UMODL1: variants seen among roughly 807,000 people sequenced by gnomAD.
The protein encoded by UMODL1 is uromodulin like 1, also known as uromodulin-like 1.
A neutral mutation model predicts 136.3 loss-of-function variants in UMODL1; 128 were observed. The observed-to-expected ratio is 0.94, with a 90% CI of 0.81 to 1.09. The LOEUF (loss-of-function observed/expected upper bound fraction) is 1.09. Ranked by LOEUF, UMODL1 falls within the 50% of genes least tolerant of loss-of-function variation. The pLI, the probability that UMODL1 is intolerant of heterozygous loss-of-function variation, is 0.00. For missense variants in UMODL1, 1,766 were observed against 1,725.6 expected (o/e 1.02, Z -0.41); for synonymous variants, 721 against 720.0 (o/e 1.00, Z -0.02).
chr21:42,113,846 T>C lies in UMODL1; in HGVS notation c.2362+16T>C, dbSNP rs779278902. 6 of 1,602,888 alleles carry C rather than the reference T, an allele frequency of 3.7e-6. No homozygotes were observed. Among genetic ancestry groups the C allele is most frequent in the Non-Finnish European group, 5.1e-6 (6 of 1,173,674 alleles). On this transcript the variant is annotated intron_variant, in intron 13 of 22. Transcript: ENST00000408910. ...GTGAGGACAGGTAATGGGCTTCCAT[T>C]TGTTTTTAAAGAGAGGAACAAAAAG...
At chr21:42,087,782 C>T (rs2066442510) in intron 4 of UMODL1, among the ~76,000 whole-genome samples, 1 of 152,178 alleles carries the variant, frequency 6.6e-6, no homozygotes, top group Non-Finnish European at 1.5e-5. Context: ...TGTCACAGTT[C>T]TGGGGGCTGA....
chr21:42,102,472 T>C (rs2066648926), intron 8 of UMODL1, 194 bp downstream of exon 8: 9 of 478,520 alleles, frequency 1.9e-5, no homozygotes, highest in Non-Finnish European at 3.4e-5. Flanking sequence ...TATGGGGTAC[T>C]TAATCCAGAT....
upstream of UMODL1, among the ~76,000 whole-genome samples, chr21:42,067,641 C>G (rs1231483960): frequency 6.6e-6 from 1 of 152,202 alleles, no homozygotes; most frequent in African/African-American, 2.4e-5. Context: ...GTGTCCACTG[C>G]CCCCCTGGCC....
chr21:42,105,253 G>A (rs1035380209), intron 9 of UMODL1, among the ~76,000 whole-genome samples: 1 of 152,200 alleles, frequency 6.6e-6, no homozygotes, highest in Non-Finnish European at 1.5e-5. Context: ...TGAGGTTGGG[G>A]TCCACAGGGT....
At chr21:42,112,277 C>A (rs1345754803) in intron 12 of UMODL1, among the ~76,000 whole-genome samples, 2 of 151,238 alleles carry the variant, frequency 1.3e-5, no homozygotes, top group Non-Finnish European at 2.9e-5. Context: ...GTACTCCCAG[C>A]TGTTCTGCAC....
intron 13 of UMODL1, among the ~76,000 whole-genome samples, chr21:42,114,545 A>T (rs1202539263): frequency 2.0e-5 from 3 of 151,274 alleles, no homozygotes; most frequent in Admixed American, 2.0e-4. Context: ...GAGGTGTAGG[A>T]TGGTTTCACA....
At chr21:42,140,972 T>C (rs2123415611) in intron 22 of UMODL1, among the ~76,000 whole-genome samples, 1 of 151,720 alleles carries the variant, frequency 6.6e-6, no homozygotes, top group African/African-American at 2.4e-5. Context: ...CCTCCCATCC[T>C]GGGCAGGAGA....
At position 42,134,793 on chromosome 21, in the gene UMODL1, T is replaced by A. The variant is rs188008770; in HGVS notation, c.3776-2646T>A. ...CCAAGTCTGGCTATTTTTTTTTTTTTTATATTTTTTTAGTAGAGACGGGGG... is the reference window on the plus strand; with the variant it reads ...CCAAGTCTGGCTATTTTTTTTTTTTATATATTTTTTTAGTAGAGACGGGGG... On this transcript the variant is annotated intron_variant, in intron 21 of 22. Transcript: ENST00000408910. Among the ~76,000 whole-genome samples the A allele has an allele frequency of 5.2e-3, 791 of 151,374 alleles. 13 individuals carry two copies. Among genetic ancestry groups the A allele is most frequent in the African/African-American group, 0.017 (715 of 41,258 alleles).
chr21:42,113,999 A>G (rs1319544404), intron 13 of UMODL1, among the ~76,000 whole-genome samples, 169 bp downstream of exon 13: 1 of 152,252 alleles, frequency 6.6e-6, no homozygotes, highest in Non-Finnish European at 1.5e-5. Context: ...TGACGGCCAG[A>G]CAGGAGGTGG....
rs764359400 is a variant in UMODL1, at chr21:42,099,040, G to T, written c.1046G>T (p.Gly349Val). Reference sequence around the variant, plus strand: ...ACTTTCCATGTCCGGGTTTACCGGGGTATGGAGTTGCTCAGGAGCGCCAGG... The same window carrying T: ...ACTTTCCATGTCCGGGTTTACCGGGTTATGGAGTTGCTCAGGAGCGCCAGG... Reference protein sequence around the residue: ...NHTFHVRVYRGMELLRSARTQ... With the variant: ...NHTFHVRVYRVMELLRSARTQ... The change falls in exon 7 of 23, where the codon GGT becomes GTT. Residue 349 changes from glycine to valine, a missense_variant. Physicochemically the swap from Gly to Val is moderately radical, Grantham distance 109. Coordinates refer to ENST00000408910, the MANE Select transcript of UMODL1 (RefSeq NM_001004416.3). This position sits in a 1 kb window ranked among gnomAD's most constrained non-coding sequence, Gnocchi z 4.1. The T allele has an allele frequency of 2.5e-6, 4 of 1,614,226 alleles. No homozygotes were observed. Among genetic ancestry groups the T allele is most frequent in the Non-Finnish European group, 3.4e-6 (4 of 1,180,052 alleles).
chr21:42,130,832 C>T (rs564727077), intron 21 of UMODL1, among the ~76,000 whole-genome samples: 14 of 144,076 alleles, frequency 9.7e-5, no homozygotes, highest in Non-Finnish European at 3.0e-5. Flanking sequence ...TTTTTTGAGA[C>T]GGAGTTTTTC....
At chr21:42,131,305 T>C (rs866087783) in intron 21 of UMODL1, among the ~76,000 whole-genome samples, 1 of 152,326 alleles carries the variant, frequency 6.6e-6, no homozygotes, top group South Asian at 2.1e-4. Flanking sequence ...GGGGTTTGGA[T>C]GCAGGGTGTG....
intron 2 of UMODL1, 133 bp downstream of exon 2, chr21:42,076,380 G>C: frequency 7.1e-7 from 1 of 1,418,064 alleles, no homozygotes; most frequent in Non-Finnish European, 9.6e-7. Flanking sequence ...GCCTTGACCA[G>C]GCAGCAGGTC....
At chr21:42,121,717 G>A (rs1316405261) in intron 16 of UMODL1, among the ~76,000 whole-genome samples, 3 of 152,200 alleles carry the variant, frequency 2.0e-5, no homozygotes, top group Non-Finnish European at 4.4e-5. Flanking sequence ...AAGGGAGGTG[G>A]GCATTTATAC....
At position 42,113,767 on chromosome 21, in the gene UMODL1, G is replaced by T. The variant is rs1199285747; in HGVS notation, c.2299G>T (p.Val767Phe). 2 of 1,613,998 alleles carry T rather than the reference G, an allele frequency of 1.2e-6. No individual in the cohort carries two copies. The highest frequency in any genetic ancestry group is 4.5e-5 in the East Asian group (2 of 44,894). The stretch of plus-strand genomic sequence containing the variant: ...GCTGGAGCCTGGGGTCTTGCACCTG[G>T]TTGAGATCATGGCCAAAGCATGTGG... ...SGLEPGVLHL[V>F]EIMAKACGKE... is the part of the protein sequence containing the mutation. Residue 767 changes from valine (V) to phenylalanine (F), a missense_variant, in exon 13 of 23, where the codon GTT (valine) becomes TTT (phenylalanine). Coordinates refer to ENST00000408910, the MANE Select transcript of UMODL1 (RefSeq NM_001004416.3).
rs1160876914 is a variant in UMODL1 at position 42,098,480 on chromosome 21, G to C, written c.932-446G>C. Among the ~76,000 whole-genome samples the C allele has an allele frequency of 2.1e-5, 3 of 146,270 alleles. No homozygotes were observed. In the Admixed American group the frequency reaches 2.1e-4, roughly 10 times the overall value. On this transcript the variant is annotated intron_variant, in intron 6 of 22. Coordinates refer to ENST00000408910, the MANE Select transcript of UMODL1 (RefSeq NM_001004416.3). ...GCATTTATTATTGGAAAAAAAAACAGTGAGTGGGTCAGGTGCGGTGGCGCA... is the reference window on the plus strand; with the variant it reads ...GCATTTATTATTGGAAAAAAAAACACTGAGTGGGTCAGGTGCGGTGGCGCA...
chr21:42,090,398 T>G lies in UMODL1; in HGVS notation c.891T>G (p.Ala297=). Residue 297 remains alanine, a synonymous_variant, in exon 6 of 23, where the codon GCT becomes GCG. Transcript: ENST00000408910. ...ACTGGTGCGTCTGTCACCAGGAAGCTCCAGCCACGTCTCCACGGAAGCTGA... is the reference window on the plus strand; with the variant it reads ...ACTGGTGCGTCTGTCACCAGGAAGCGCCAGCCACGTCTCCACGGAAGCTGA... ...GSYWCVCHQE[A]PATSPRKLNL... 6.2e-7 allele frequency: 1 copy of G among 1,614,000 alleles called. No homozygotes were observed. Among genetic ancestry groups the G allele is most frequent in the South Asian group, 1.1e-5 (1 of 91,066 alleles).
At chr21:42,094,280 CA>C (rs2066527476) in intron 6 of UMODL1, among the ~76,000 whole-genome samples, 1 of 152,200 alleles carries the variant, frequency 6.6e-6, no homozygotes, top group Non-Finnish European at 1.5e-5. Flanking sequence ...GAGTGAATTC[CA>C]ATTGCATATT....
chr21:42,126,930 G>C (rs2067063706), intron 18 of UMODL1, 76 bp from the exon 19 acceptor site: 3 of 1,175,892 alleles, frequency 2.6e-6, no homozygotes, highest in Admixed American at 3.4e-5. Context: ...GTGTTTTAGG[G>C]GAGAAGTGGG....
Sources: gnomAD v4.1 joint callset for allele counts (sites outside exome capture counted in the v4.1 genomes callset) on GRCh38, gnomAD v4.1.1 for gene constraint, Gnocchi (gnomAD v3.1) non-coding constraint, MANE v1.5 for transcripts, NCBI Gene and HGNC (gene_info 2026-07-23, HGNC 2026-07-21) for gene names.